Variants in COL5A1 observed in about 807,000 individuals in gnomAD.
COL5A1 encodes the protein collagen type V alpha 1 chain.
COL5A1 carries 16 observed loss-of-function variants against 263.7 expected under a neutral mutation model. The ratio of observed to expected loss-of-function variants is 0.06; its 90% CI spans 0.04 to 0.09. The LOEUF (loss-of-function observed/expected upper bound fraction) is 0.09. Among genes scored for constraint, COL5A1 ranks in the 10% least tolerant of loss-of-function variants. The pLI is 1.00. For synonymous variants in COL5A1, 1,012 were observed against 1,004.5 expected (o/e 1.01, Z -0.14); for missense variants, 2,036 against 2,540.5 (o/e 0.80, Z 4.27).
chr9:134,690,650 G>A (rs1833246042), intron 1 of COL5A1, among the ~76,000 whole-genome samples: 1 of 152,250 alleles, frequency 6.6e-6, no homozygotes, highest in African/African-American at 2.4e-5. Flanking sequence ...CCGCTGGTGG[G>A]GACAGGGATG....
intron 1 of COL5A1, among the ~76,000 whole-genome samples, chr9:134,648,045 C>T (rs997085464): frequency 6.6e-5 from 10 of 152,060 alleles, no homozygotes; most frequent in African/African-American, 1.2e-4. Flanking sequence ...CACCGTTAAT[C>T]GGGAGGGCAC....
chr9:134,744,370 C>CA (rs1371833368), intron 11 of COL5A1, among the ~76,000 whole-genome samples: 3 of 151,608 alleles, frequency 2.0e-5, no homozygotes, highest in South Asian at 4.2e-4. Flanking sequence ...TGCATACATG[C>CA]CCACACATGC....
At chr9:134,782,585 TG>T in intron 28 of COL5A1, 81 bp from the exon 29 acceptor site, 1 of 1,279,946 alleles carries the variant, frequency 7.8e-7, no homozygotes, top group Non-Finnish European at 1.1e-6. Context: ...GTGCTGAGTG[TG>T]GTTGTTTGGA....
At chr9:134,685,055 A>ATTAAT (rs145886142) in intron 1 of COL5A1, among the ~76,000 whole-genome samples, 2 of 29,884 alleles carry the variant, frequency 6.7e-5, no homozygotes, top group South Asian at 1.2e-3. Flanking sequence ...CCATCCATCC[A>ATTAAT]CCATCCATCC....
chr9:134,694,138 C>T (rs951216382), intron 2 of COL5A1, among the ~76,000 whole-genome samples: 1 of 152,236 alleles, frequency 6.6e-6, no homozygotes, highest in East Asian at 1.9e-4. Flanking sequence ...CCCCGGCATC[C>T]GATCCCCTGA....
chr9:134,691,718 G>C (rs1193752531), intron 2 of COL5A1: 3 of 154,072 alleles, frequency 1.9e-5, no homozygotes, highest in African/African-American at 7.2e-5. Context: ...TGATTAACGA[G>C]CTGTTGATGG....
In COL5A1 at chr9:134,835,081, A is replaced by G. The variant is rs772507886; in HGVS notation, c.5247A>G (p.Ser1749=). 4 of 1,613,668 alleles carry G rather than the reference A, an allele frequency of 2.5e-6. No individual in the cohort carries two copies. Among genetic ancestry groups the G allele is most frequent in the Middle Eastern group, 1.6e-4 (1 of 6,062 alleles). Residue 1749 remains serine (S), a synonymous_variant, in exon 65 of 66, where the codon TCA becomes TCG. Coordinates refer to ENST00000371817, the MANE Select transcript of COL5A1 (RefSeq NM_000093.5). ...ACGTCACCTACCACTGCTACCAGTCAGTGGCCTGGCAGGACGCAGCCACGG... is the reference window on the plus strand; with the variant it reads ...ACGTCACCTACCACTGCTACCAGTCGGTGGCCTGGCAGGACGCAGCCACGG... ...HQNVTYHCYQ[S]VAWQDAATGS...
intron 36 of COL5A1, among the ~76,000 whole-genome samples, chr9:134,797,735 G>T (rs530936261): frequency 5.7e-4 from 87 of 152,184 alleles, no homozygotes; most frequent in Middle Eastern, 3.4e-3. Context: ...CACCTGCCTC[G>T]GCCTCCCAAA....
intron 64 of COL5A1, among the ~76,000 whole-genome samples, chr9:134,831,821 C>T (rs775419612): frequency 6.6e-5 from 10 of 152,338 alleles, no homozygotes; most frequent in East Asian, 1.9e-4. Flanking sequence ...TTCCACCTCT[C>T]GTCCTGTTCC....
In COL5A1 at chr9:134,686,147, C is replaced by A. The variant is rs1412345368; in HGVS notation, c.110-4765C>A. On this transcript the variant is annotated intron_variant, in intron 1 of 65. Coordinates refer to ENST00000371817, the MANE Select transcript of COL5A1 (RefSeq NM_000093.5). The surrounding 1 kb of genome is among the most constrained non-coding windows in gnomAD (Gnocchi z 4.6). ...TCTTGCTTGTATTTCTTATCAGGGT[C>A]TTTGTGCTGCCTTTTGTGGTGCATG... Among the ~76,000 whole-genome samples the A allele has an allele frequency of 3.9e-5, 6 of 152,250 alleles. No individual in the cohort carries two copies. The highest frequency in any genetic ancestry group is 1.4e-4 in the African/African-American group (6 of 41,468).
chr9:134,649,882 A>C (rs576426383), intron 1 of COL5A1, among the ~76,000 whole-genome samples: 3 of 152,220 alleles, frequency 2.0e-5, no homozygotes, highest in African/African-American at 7.2e-5. Context: ...TGTCCTTTGC[A>C]GGGACATGGA....
intron 22 of COL5A1, 141 bp from the exon 23 acceptor site, chr9:134,766,859 G>A: frequency 1.2e-6 from 1 of 837,968 alleles, no homozygotes; most frequent in East Asian, 2.6e-5. Context: ...GTGGGACCCG[G>A]CCGCCTTTCC....
At chr9:134,819,545 C>T (rs1482143848) in intron 57 of COL5A1, among the ~76,000 whole-genome samples, 1 of 152,226 alleles carries the variant, frequency 6.6e-6, no homozygotes, top group East Asian at 1.9e-4. Context: ...GCAGTGAGGG[C>T]CCTCTCATTT....
At chr9:134,712,622 TTCCTTCCTGTTCCCCC>T (rs1202618393) in intron 4 of COL5A1, among the ~76,000 whole-genome samples, 7 of 12,140 alleles carry the variant, frequency 5.8e-4, no homozygotes, top group African/African-American at 1.7e-3. Context: ...CCCCTCCCCC[TTCCTTCCTGTTCCCCC>T]TCCTTCCTGT....
Position 134,844,625 on chromosome 9 carries a change from A to C in COL5A1, c.*2322A>C, listed in dbSNP as rs1830196187. On this transcript the variant is annotated 3_prime_UTR_variant, in exon 66 of 66. Transcript: ENST00000371817. Reference sequence around the variant, plus strand: ...CGCTGGCAAAAAGAAAAAAATGGTAAGCAAAAAACCCAAGATAAAGTTTCG... The same window carrying C: ...CGCTGGCAAAAAGAAAAAAATGGTACGCAAAAAACCCAAGATAAAGTTTCG... 1 of 152,256 alleles carries C rather than the reference A, an allele frequency of 6.6e-6. No individual in the cohort carries two copies. Among genetic ancestry groups the C allele is most frequent in the African/African-American group, 2.4e-5 (1 of 41,464 alleles). The allele number at this position is 152,256 out of a possible 1,614,324, so 9.4% of individuals were successfully genotyped here.
intron 6 of COL5A1, among the ~76,000 whole-genome samples, chr9:134,729,916 T>G (rs1221338049): frequency 1.3e-5 from 2 of 152,020 alleles, no homozygotes; most frequent in Admixed American, 6.5e-5. Context: ...GAGCCTGGAG[T>G]GTTTTGCTAC....
chr9:134,717,218 G>T (rs1241599747), intron 4 of COL5A1, among the ~76,000 whole-genome samples: 2 of 152,048 alleles, frequency 1.3e-5, no homozygotes, highest in African/African-American at 2.4e-5. Flanking sequence ...GTGGCGTCCG[G>T]CCAGGCTGCT....
At chr9:134,808,446 G>A (rs528612465) in intron 42 of COL5A1, among the ~76,000 whole-genome samples, 77 of 152,314 alleles carry the variant, frequency 5.1e-4, no homozygotes, top group Non-Finnish European at 7.6e-4. Flanking sequence ...TAGTGTGTGC[G>A]TATGCCTGCA....
intron 50 of COL5A1, 31 bp downstream of exon 50, chr9:134,814,935 T>C: frequency 6.8e-7 from 1 of 1,471,092 alleles, no homozygotes; most frequent in Non-Finnish European, 9.3e-7. Context: ...TCAGGGGCCC[T>C]GCAGCAGGGG....
Sources: allele counts gnomAD v4.1 joint callset (sites outside exome capture counted in the v4.1 genomes callset), GRCh38; gene constraint gnomAD v4.1.1; non-coding constraint Gnocchi (gnomAD v3.1); transcripts MANE v1.5; gene names NCBI Gene and HGNC (gene_info 2026-07-23, HGNC 2026-07-21).